ATXN10: variants seen among roughly 807,000 people sequenced by gnomAD.
The protein encoded by ATXN10 is ataxin-10.
In ATXN10, 28 loss-of-function variants were observed where a neutral mutation model predicts 52.9. That is an observed-to-expected ratio of 0.53 (90% CI 0.39 to 0.73). The LOEUF (loss-of-function observed/expected upper bound fraction) is 0.73, where lower values mean the gene tolerates loss of function less well. Ranked by LOEUF, ATXN10 falls within the 30% of genes least tolerant of loss-of-function variation. The probability of loss-of-function intolerance (pLI) is 0.00; values close to 1 mark genes in which losing one functional copy is unlikely to be tolerated. For missense variants in ATXN10, 565 were observed against 577.0 expected (o/e 0.98, Z 0.21); for synonymous variants, 226 against 221.5 (o/e 1.02, Z -0.18).
At chr22:45,687,057 C>T (rs1298680459) in intron 1 of ATXN10, among the ~76,000 whole-genome samples, 3 of 152,120 alleles carry the variant, frequency 2.0e-5, no homozygotes, top group East Asian at 1.9e-4. Flanking sequence ...TAGATGCTGT[C>T]ATGATTACTC....
intron 9 of ATXN10, among the ~76,000 whole-genome samples, chr22:45,741,014 G>T (rs1925513642): frequency 6.6e-6 from 1 of 152,074 alleles, no homozygotes; most frequent in Non-Finnish European, 1.5e-5. Context: ...AACCTCTTAT[G>T]TGCAGAAGAG....
chr22:45,839,148 T>G (rs904095257), intron 10 of ATXN10, among the ~76,000 whole-genome samples: 15 of 152,244 alleles, frequency 9.9e-5, no homozygotes, highest in Non-Finnish European at 2.1e-4. Flanking sequence ...TTGGCTTGGT[T>G]GTTATTTCTG....
At chr22:45,726,084 G>A (rs1263962584) in intron 6 of ATXN10, among the ~76,000 whole-genome samples, 1 of 152,130 alleles carries the variant, frequency 6.6e-6, no homozygotes, top group African/African-American at 2.4e-5. Flanking sequence ...TGCATCTGAT[G>A]TTCATCAGGG....
At chr22:45,725,517 T>C (rs6006798) in intron 6 of ATXN10, among the ~76,000 whole-genome samples, 3,270 of 152,192 alleles carry the variant, frequency 0.021, 112 homozygotes, top group African/African-American at 0.075. Flanking sequence ...TTGATTTTGT[T>C]ACCTGAGACT....
rs943093339 is a variant in ATXN10, at chr22:45,672,225, C to T, written c.116+46C>T. ...GCTGCCCCGGGCAGGGGAGGGCGGC[C>T]GGGACTCCCGCGGCGGCCCCGGCCT... On this transcript the variant is annotated intron_variant, in intron 1 of 11. Coordinates refer to ENST00000252934, the MANE Select transcript of ATXN10 (RefSeq NM_013236.4). The T allele has an allele frequency of 2.8e-6, 4 of 1,451,190 alleles. No homozygotes were observed. In the African/African-American group the frequency reaches 4.5e-5, roughly 16 times the overall value. The allele number at this position is 1,451,190 out of a possible 1,614,324, so 89.9% of individuals were successfully genotyped here.
rs1450505296 is a variant in ATXN10, at chr22:45,833,804, C to G, written c.1238-9187C>G. On this transcript the variant is annotated intron_variant, in intron 10 of 11. Transcript: ENST00000252934. The surrounding 1 kb of genome is among the most constrained non-coding windows in gnomAD (Gnocchi z 4.3). ...ATAGCAACCCGGAAGAAGAACTGCTCTGCCCTCCAGAGGTCTCTCTGGATG... is the reference window on the plus strand; with the variant it reads ...ATAGCAACCCGGAAGAAGAACTGCTGTGCCCTCCAGAGGTCTCTCTGGATG... Among the ~76,000 whole-genome samples, 1 of 152,180 alleles carries G rather than the reference C, an allele frequency of 6.6e-6. No individual in the cohort carries two copies. Among genetic ancestry groups the G allele is most frequent in the African/African-American group, 2.4e-5 (1 of 41,436 alleles).
At chr22:45,803,708 GACTTTACTGTACGT>G (rs1403884048) in intron 9 of ATXN10, among the ~76,000 whole-genome samples, 4 of 152,106 alleles carry the variant, frequency 2.6e-5, no homozygotes, top group African/African-American at 9.7e-5. Context: ...CCCATTTGCA[GACTTTACTGTACGT>G]ACTTTACTTT....
intron 10 of ATXN10, among the ~76,000 whole-genome samples, chr22:45,808,302 A>G (rs921939454): frequency 6.6e-6 from 1 of 152,244 alleles, no homozygotes; most frequent in African/African-American, 2.4e-5. Flanking sequence ...TGCATTTCCC[A>G]ATGAAAACGA....
rs1224234909 is a variant in ATXN10, at chr22:45,715,141, A to C, written c.648-3272A>C. On this transcript the variant is annotated intron_variant, in intron 5 of 11. Coordinates refer to ENST00000252934, the MANE Select transcript of ATXN10 (RefSeq NM_013236.4). The surrounding 1 kb of genome is among the most constrained non-coding windows in gnomAD (Gnocchi z 4.4). The stretch of plus-strand genomic sequence containing the variant: ...GAGGATTTTATGAACATATTGATCA[A>C]ATCACATTTATTGAACATTTGTTAG... Among the ~76,000 whole-genome samples, 2 of 152,252 alleles carry C rather than the reference A, an allele frequency of 1.3e-5. No homozygotes were observed. Among genetic ancestry groups the C allele is most frequent in the African/African-American group, 4.8e-5 (2 of 41,474 alleles).
At position 45,807,844 on chromosome 22, in the gene ATXN10, G is replaced by A. The variant is rs537633609; in HGVS notation, c.1237+822G>A. Among the ~76,000 whole-genome samples, 185 of 152,304 alleles carry A rather than the reference G, an allele frequency of 1.2e-3. 1 individual carries two copies. The highest frequency in any genetic ancestry group is 4.3e-3 in the African/African-American group (179 of 41,552). ...TAAGGCTACTGCAAGGACTGGGAGC[G>A]TAGCCTGCGGGAGGCAGTGAGGAGC... is the stretch of plus-strand genomic sequence containing the variant. On this transcript the variant is annotated intron_variant, in intron 10 of 11. Coordinates refer to ENST00000252934, the MANE Select transcript of ATXN10 (RefSeq NM_013236.4).
At chr22:45,672,262 C>G in intron 1 of ATXN10, 83 bp downstream of exon 1, 2 of 1,252,696 alleles carry the variant, frequency 1.6e-6, no homozygotes, top group Non-Finnish European at 2.0e-6. Context: ...GACCCAGGCG[C>G]CGCCCCCGCC....
rs1925162008 is a variant in ATXN10 at position 45,733,381 on chromosome 22, G to T, written c.894+3791G>T. Among the ~76,000 whole-genome samples, 1 of 151,942 alleles carries T rather than the reference G, an allele frequency of 6.6e-6. No individual in the cohort carries two copies. Among genetic ancestry groups the T allele is most frequent in the African/African-American group, 2.4e-5 (1 of 41,370 alleles). ...TTAAGGGCTTAAATTTTTGTATTACGCAAATAATGCTTGCTTTGTTGTTAA... is the reference window on the plus strand; with the variant it reads ...TTAAGGGCTTAAATTTTTGTATTACTCAAATAATGCTTGCTTTGTTGTTAA... On this transcript the variant is annotated intron_variant, in intron 7 of 11. Transcript: ENST00000252934. The surrounding 1 kb of genome is among the most constrained non-coding windows in gnomAD (Gnocchi z 4.4).
In ATXN10 at chr22:45,759,495, C is replaced by A. The variant is rs536890885; in HGVS notation, c.1173+18957C>A. Among the ~76,000 whole-genome samples, 2 of 152,254 alleles carry A rather than the reference C, an allele frequency of 1.3e-5. No individual in the cohort carries two copies. Among genetic ancestry groups the A allele is most frequent in the South Asian group, 4.1e-4 (2 of 4,820 alleles). ...TCACTGCACTCCAGCCTGGGCAGAG[C>A]AAGACTCCGTGTCAAACAAACAAAC... On this transcript the variant is annotated intron_variant, in intron 9 of 11. Transcript: ENST00000252934. The surrounding 1 kb of genome is among the most constrained non-coding windows in gnomAD (Gnocchi z 5.4).
intron 6 of ATXN10, among the ~76,000 whole-genome samples, chr22:45,719,771 T>C (rs1427767162): frequency 6.6e-6 from 1 of 152,194 alleles, no homozygotes; most frequent in Non-Finnish European, 1.5e-5. Flanking sequence ...AAGGTTCTGC[T>C]CAGTTGTCAC....
intron 10 of ATXN10, among the ~76,000 whole-genome samples, chr22:45,809,108 T>G (rs1361354782): frequency 6.6e-6 from 1 of 152,186 alleles, no homozygotes; most frequent in African/African-American, 2.4e-5. Flanking sequence ...CGAAAAAGCC[T>G]TACAGCCTAG....
rs1228678009 is a variant in ATXN10, at chr22:45,759,338, C to G, written c.1173+18800C>G. ...ACCAGCCTGGCTAACATGGTGAAAC[C>G]CTGTCTCTACTAAAAATACAAAAAG... On this transcript the variant is annotated intron_variant, in intron 9 of 11. Coordinates refer to ENST00000252934, the MANE Select transcript of ATXN10 (RefSeq NM_013236.4). This position sits in a 1 kb window ranked among gnomAD's most constrained non-coding sequence, Gnocchi z 5.4. Among the ~76,000 whole-genome samples, 2 of 152,138 alleles carry G rather than the reference C, an allele frequency of 1.3e-5. No individual in the cohort carries two copies. The highest frequency in any genetic ancestry group is 4.8e-5 in the African/African-American group (2 of 41,414).
intron 7 of ATXN10, among the ~76,000 whole-genome samples, chr22:45,736,171 A>G (rs1429220785): frequency 6.6e-6 from 1 of 152,106 alleles, no homozygotes; most frequent in African/African-American, 2.4e-5. Context: ...AACATAGACT[A>G]AGAAGAAAGT....
intron 9 of ATXN10, among the ~76,000 whole-genome samples, chr22:45,745,071 A>G (rs1925676065): frequency 6.6e-6 from 1 of 152,170 alleles, no homozygotes. Context: ...GTTTACTTCT[A>G]AACTTTTGTG....
chr22:45,741,626 C>T (rs1408579009), intron 9 of ATXN10, among the ~76,000 whole-genome samples: 1 of 152,038 alleles, frequency 6.6e-6, no homozygotes, highest in Non-Finnish European at 1.5e-5. Context: ...TCAGGGCCCC[C>T]CTACTGGGCA....
Sources: gnomAD v4.1 joint callset for allele counts (sites outside exome capture counted in the v4.1 genomes callset) on GRCh38, gnomAD v4.1.1 for gene constraint, Gnocchi (gnomAD v3.1) non-coding constraint, MANE v1.5 for transcripts, NCBI Gene and HGNC (gene_info 2026-07-23, HGNC 2026-07-21) for gene names.